The following CSMD1 variants were observed in gnomAD, a reference collection of about 807,000 sequenced individuals.
CSMD1 encodes CUB and Sushi multiple domains 1.
In CSMD1, 213 loss-of-function variants were observed where a neutral mutation model predicts 417.5. That is an observed-to-expected ratio of 0.51 (90% CI 0.46 to 0.57). CSMD1 has a LOEUF of 0.57. CSMD1 is among the 20% of genes least tolerant of loss of function. The pLI is 0.00. For synonymous variants in CSMD1, 2,862 were observed against 1,736.8 expected, an observed-to-expected ratio of 1.65 and a Z score of -16.11; for missense variants, 6,923 against 4,529.7, an observed-to-expected ratio of 1.53 and a Z score of -15.17.
chr8:4,657,983 G>A (rs1393828529), intron 1 of CSMD1, among the ~76,000 whole-genome samples: 1 of 107,514 alleles, frequency 9.3e-6, no homozygotes, highest in African/African-American at 3.3e-5. Context: ...GGTTAAAGCA[G>A]GTAGAAGAAA....
At chr8:4,708,243 T>C (rs540541045) in intron 1 of CSMD1, among the ~76,000 whole-genome samples, 2 of 152,270 alleles carry the variant, frequency 1.3e-5, no homozygotes, top group Admixed American at 6.5e-5. Flanking sequence ...AGCCACTGCA[T>C]CTGGCCTTCA....
At position 3,384,720 on chromosome 8, in the gene CSMD1, A is replaced by AATATTTATATATATTATATAAATAT. The variant is rs1201669367; in HGVS notation, c.2782+2749_2782+2773dup. ...ATAAATTATATATAAATATATTTATAATATTTATATATATTATATAAATAT... is the reference window on the plus strand; with the variant it reads ...ATAAATTATATATAAATATATTTATAATATTTATATATATTATATAAATATATATTTATATATATTATATAAATAT... On this transcript the variant is annotated intron_variant, in intron 18 of 69. Coordinates refer to ENST00000635120, the MANE Select transcript of CSMD1 (RefSeq NM_033225.6). Among the ~76,000 whole-genome samples the AATATTTATATATATTATATAAATAT allele has an allele frequency of 5.9e-5, 7 of 118,292 alleles. No individual in the cohort carries two copies. In the East Asian group the frequency reaches 6.9e-4, roughly 12 times the overall value. The allele number at this position is 118,292 out of a possible 152,430, so 77.6% of individuals were successfully genotyped here.
intron 5 of CSMD1, among the ~76,000 whole-genome samples, chr8:3,870,116 A>G (rs151186015): frequency 9.8e-4 from 149 of 152,294 alleles, no homozygotes; most frequent in African/African-American, 3.4e-3. Context: ...CACTCTATAA[A>G]CAGGTAGAAT....
chr8:3,807,866 A>C (rs1240499449), intron 5 of CSMD1, among the ~76,000 whole-genome samples: 1 of 152,160 alleles, frequency 6.6e-6, no homozygotes, highest in Non-Finnish European at 1.5e-5. Flanking sequence ...CCTTGGGGTA[A>C]TGCTAAGTAC....
At chr8:3,330,106 G>A (rs879855708) in intron 23 of CSMD1, among the ~76,000 whole-genome samples, 2 of 152,136 alleles carry the variant, frequency 1.3e-5, no homozygotes, top group African/African-American at 4.8e-5. Context: ...TCAAAGCAGG[G>A]TAGTGGGTAG....
At chr8:3,240,620 G>A (rs112378533) in intron 26 of CSMD1, among the ~76,000 whole-genome samples, 10,350 of 152,120 alleles carry the variant, frequency 0.068, 480 homozygotes, top group Non-Finnish European at 0.097. Flanking sequence ...TGAGCCTGAT[G>A]GGTGTCAGGG....
intron 3 of CSMD1, among the ~76,000 whole-genome samples, chr8:4,272,974 G>A (rs1804697804): frequency 6.6e-6 from 1 of 152,052 alleles, no homozygotes; most frequent in Non-Finnish European, 1.5e-5. Flanking sequence ...ACAAAGGAAG[G>A]AAAACCACAT....
rs6986873 is a variant in CSMD1 at position 3,005,210 on chromosome 8, G to A, written c.8030-5079C>T. On this transcript the variant is annotated intron_variant, in intron 52 of 69. Transcript: ENST00000635120. ...CATTGAGGTGTTATACGTATGGACT[G>A]TGCAGTACCCTGGGTGGGACCCAGG... Among the ~76,000 whole-genome samples, 861 of 152,308 alleles carry A rather than the reference G, an allele frequency of 5.7e-3. 6 individuals are homozygous for A. Among genetic ancestry groups the A allele is most frequent in the African/African-American group, 0.02 (818 of 41,572 alleles).
intron 3 of CSMD1, among the ~76,000 whole-genome samples, chr8:4,196,634 C>G (rs1181914657): frequency 1.3e-5 from 2 of 152,242 alleles, no homozygotes; most frequent in African/African-American, 2.4e-5. Flanking sequence ...AATGCTGGGT[C>G]CAGTCCTCAT....
At chr8:4,432,469 T>A (rs955776616) in intron 2 of CSMD1, among the ~76,000 whole-genome samples, 1 of 152,162 alleles carries the variant, frequency 6.6e-6, no homozygotes, top group East Asian at 1.9e-4. Flanking sequence ...AAAACTCAAG[T>A]ATCAATTACC....
In CSMD1 at chr8:3,491,128, G is replaced by T. The variant is rs147221638; in HGVS notation, c.1448+2495C>A. Among the ~76,000 whole-genome samples, 53 of 152,284 alleles carry T rather than the reference G, an allele frequency of 3.5e-4. 2 individuals carry two copies. The East Asian group carries it at 7.2e-3, about 21-fold the overall frequency. ...TCACTTCACAGCTGCTTATAGAAGT[G>T]AAAGAATGCGGTGAGAGCGTGAGTG... On this transcript the variant is annotated intron_variant, in intron 11 of 69. Transcript: ENST00000635120.
chr8:4,816,829 T>G (rs765913065), intron 1 of CSMD1, among the ~76,000 whole-genome samples: 1 of 152,104 alleles, frequency 6.6e-6, no homozygotes, highest in African/African-American at 2.4e-5. Flanking sequence ...ACTGAGAGAC[T>G]TGGCAATTAA....
chr8:3,807,277 C>G (rs760678891), intron 5 of CSMD1, among the ~76,000 whole-genome samples: 1 of 152,122 alleles, frequency 6.6e-6, no homozygotes, highest in African/African-American at 2.4e-5. Context: ...GAAACTTAAG[C>G]AACCTATACC....
chr8:4,451,226 G>C (rs772797644), intron 2 of CSMD1, among the ~76,000 whole-genome samples: 4 of 152,112 alleles, frequency 2.6e-5, no homozygotes, highest in African/African-American at 4.8e-5. Context: ...AACTACTTGG[G>C]AGGCTAAGGA....
chr8:4,927,966 T>A (rs1806983215), intron 1 of CSMD1, among the ~76,000 whole-genome samples: 1 of 152,178 alleles, frequency 6.6e-6, no homozygotes. Flanking sequence ...AGTGATTCTT[T>A]CAGACCCAAG....
In CSMD1 at chr8:4,921,017, AAAGAAAGG is replaced by A. The variant is rs1351397145; in HGVS notation, c.85+73307_85+73314del. Among the ~76,000 whole-genome samples, 8 of 130,336 alleles carry A rather than the reference AAAGAAAGG, an allele frequency of 6.1e-5. 2 individuals are homozygous for A. In the South Asian group the frequency reaches 7.4e-4, roughly 12 times the overall value. The allele number at this position is 130,336 out of a possible 152,430, so 85.5% of individuals were successfully genotyped here. A position where few individuals can be genotyped will look rare whatever the true frequency, so the allele number is the denominator to read the frequency against. On this transcript the variant is annotated intron_variant, in intron 1 of 69. Coordinates refer to ENST00000635120, the MANE Select transcript of CSMD1 (RefSeq NM_033225.6). ...AAGAAAAGAAAGAAAGAAAGAAAAGAAAGAAAGGAAGAAAGAAAGGAAGGAAGAAAGAA... is the reference window on the plus strand; with the variant it reads ...AAGAAAAGAAAGAAAGAAAGAAAAGAAAGAAAGAAAGGAAGGAAGAAAGAA...
At position 4,220,610 on chromosome 8, in the gene CSMD1, G is replaced by C. The variant is rs111330493; in HGVS notation, c.416-188511C>G. On this transcript the variant is annotated intron_variant, in intron 3 of 69. Transcript: ENST00000635120. ...TAGAGTGATAAGGGTCCATGTGAGA[G>C]GAAGGACCAGTGGTATATTTTGGAG... 8.7e-3 allele frequency among the ~76,000 whole-genome samples: 1,325 copies of C among 152,272 alleles called. 20 individuals are homozygous for C. Among genetic ancestry groups the C allele is most frequent in the African/African-American group, 0.029 (1,204 of 41,544 alleles).
chr8:4,752,407 G>C (rs11136766), intron 1 of CSMD1, among the ~76,000 whole-genome samples: 13,350 of 152,116 alleles, frequency 0.088, 792 homozygotes, highest in East Asian at 0.32. Flanking sequence ...AAGGTCATAG[G>C]TATGGACTGA....
rs1365272 is a variant in CSMD1, at chr8:4,065,328, C to T, written c.416-33229G>A. ...AGCACACTGAACTTTTACATTTAAC[C>T]AGAATAAGGCTGGTGTTCACCAAAG... On this transcript the variant is annotated intron_variant, in intron 3 of 69. Coordinates refer to ENST00000635120, the MANE Select transcript of CSMD1 (RefSeq NM_033225.6). Among the ~76,000 whole-genome samples the T allele has an allele frequency of 2.3e-4, 35 of 152,282 alleles. 1 individual carries two copies. Among genetic ancestry groups the T allele is most frequent in the East Asian group, 1.5e-3 (8 of 5,186 alleles).
Sources: allele counts gnomAD v4.1 joint callset (sites outside exome capture counted in the v4.1 genomes callset), GRCh38; gene constraint gnomAD v4.1.1; transcripts MANE v1.5; gene names NCBI Gene and HGNC (gene_info 2026-07-23, HGNC 2026-07-21).